Variants in PCDHGA3 observed in about 807,000 individuals in gnomAD.
PCDHGA3 encodes protocadherin gamma-A3.
Under a neutral mutation model 58.5 loss-of-function variants are expected in PCDHGA3, and 40 were observed. The ratio of observed to expected loss-of-function variants is 0.68; its 90% CI spans 0.53 to 0.89. The LOEUF is 0.89. Among genes scored for constraint, PCDHGA3 ranks in the 40% least tolerant of loss-of-function variants. The probability of loss-of-function intolerance (pLI) is 0.00; values close to 1 mark genes in which losing one functional copy is unlikely to be tolerated. For synonymous variants in PCDHGA3, 530 were observed against 525.7 expected (o/e 1.01, Z -0.11); for missense variants, 1,223 against 1,195.9 (o/e 1.02, Z -0.33).
chr5:141,469,731 C>T (rs1332201791), intron 1 of PCDHGA3, among the ~76,000 whole-genome samples: 1 of 152,214 alleles, frequency 6.6e-6, no homozygotes, highest in Non-Finnish European at 1.5e-5. Context: ...ATCATAAATA[C>T]ACACCTCAAA....
chr5:141,458,594 G>A (rs1226490392), intron 1 of PCDHGA3, among the ~76,000 whole-genome samples: 2 of 151,612 alleles, frequency 1.3e-5, no homozygotes, highest in South Asian at 2.1e-4. Flanking sequence ...TTTTGGAGAC[G>A]AGTCTCACTC....
chr5:141,364,744 A>T (rs1366184046), intron 1 of PCDHGA3: 1 of 1,613,990 alleles, frequency 6.2e-7, no homozygotes, highest in Non-Finnish European at 8.5e-7. Flanking sequence ...ATGAAGAGTT[A>T]AAAGTAAAAG....
intron 1 of PCDHGA3, chr5:141,399,646 AGT>A: frequency 6.2e-7 from 1 of 1,613,790 alleles, no homozygotes; most frequent in African/African-American, 1.3e-5. Context: ...GAGCGCGCAA[AGT>A]GGGGTGGTGT....
At chr5:141,387,386 A>G (rs1451460616) in intron 1 of PCDHGA3, among the ~76,000 whole-genome samples, 14 of 152,232 alleles carry the variant, frequency 9.2e-5, no homozygotes, top group Non-Finnish European at 1.5e-5. Flanking sequence ...TTATATAGAT[A>G]GTGCATGTTT....
In PCDHGA3 at chr5:141,486,531, C is replaced by T; in HGVS notation, c.2425-8276C>T. The T allele has an allele frequency of 6.2e-7, 1 of 1,614,062 alleles. No homozygotes were observed. Among genetic ancestry groups the T allele is most frequent in the Non-Finnish European group, 8.5e-7 (1 of 1,180,020 alleles). Reference sequence around the variant, plus strand: ...ATTTCAGATGTGAATGATAATCCACCCTCTTTCTTTCAGAGGTCACATGAG... The same window carrying T: ...ATTTCAGATGTGAATGATAATCCACTCTCTTTCTTTCAGAGGTCACATGAG... On this transcript the variant is annotated intron_variant, in intron 1 of 3. Transcript: ENST00000253812. This position sits in a 1 kb window ranked among gnomAD's most constrained non-coding sequence, Gnocchi z 5.0.
chr5:141,365,656 AGCAGAC>A (rs528991261), intron 1 of PCDHGA3: 1 of 1,613,518 alleles, frequency 6.2e-7, no homozygotes, highest in Non-Finnish European at 8.5e-7. Context: ...CCTTGAAAGT[AGCAGAC>A]GTTAATGACA....
intron 2 of PCDHGA3, among the ~76,000 whole-genome samples, chr5:141,503,072 C>T (rs2099817948): frequency 6.6e-6 from 1 of 151,728 alleles, no homozygotes; most frequent in Non-Finnish European, 1.5e-5. Flanking sequence ...TCAGAATGGT[C>T]TCGATCTCCT....
At chr5:141,383,712 G>A (rs895145051) in intron 1 of PCDHGA3, 2 of 1,613,970 alleles carry the variant, frequency 1.2e-6, no homozygotes, top group African/African-American at 2.7e-5. Flanking sequence ...ACCTGGACGA[G>A]GGAGTCAATG....
At position 141,489,590 on chromosome 5, in the gene PCDHGA3, T is replaced by C; in HGVS notation, c.2425-5217T>C. The C allele has an allele frequency of 6.2e-7, 1 of 1,614,044 alleles. No homozygotes were observed. Among genetic ancestry groups the C allele is most frequent in the Non-Finnish European group, 8.5e-7 (1 of 1,179,984 alleles). ...GTGACTGAACACCCCCTGGAGCTAA[T>C]CCGTGTAGAGGTAGAGATCCTGGAT... On this transcript the variant is annotated intron_variant, in intron 1 of 3. Transcript: ENST00000253812. The surrounding 1 kb of genome is among the most constrained non-coding windows in gnomAD (Gnocchi z 4.5).
Position 141,355,516 on chromosome 5 carries a change from C to T in PCDHGA3, c.2424+9059C>T, listed in dbSNP as rs201107501. On this transcript the variant is annotated intron_variant, in intron 1 of 3. Coordinates refer to ENST00000253812, the MANE Select transcript of PCDHGA3 (RefSeq NM_018916.4). ...CAGATCTCCAAACTGTGTGACAAAC[C>T]TGGAGATTCTTCTAGAAGATACAGT... 1.3e-3 allele frequency: 2,116 copies of T among 1,614,044 alleles called. 6 individuals are homozygous for T. The highest frequency in any genetic ancestry group is 2.2e-3 in the South Asian group (197 of 91,082).
Position 141,431,154 on chromosome 5 carries a change from A to G in PCDHGA3, c.2425-63653A>G, listed in dbSNP as rs754200786. ...AGGGACATTAACGACAATGCGCCTT[A>G]CTTTCGTGAAAGTGAATTAGAAATA... On this transcript the variant is annotated intron_variant, in intron 1 of 3. Coordinates refer to ENST00000253812, the MANE Select transcript of PCDHGA3 (RefSeq NM_018916.4). The surrounding 1 kb of genome is among the most constrained non-coding windows in gnomAD (Gnocchi z 4.8). 1.1e-5 allele frequency: 18 copies of G among 1,614,136 alleles called. No homozygotes were observed. In the East Asian group the frequency reaches 4.0e-4, roughly 36 times the overall value.
intron 1 of PCDHGA3, chr5:141,398,504 T>C: frequency 6.2e-7 from 1 of 1,611,098 alleles, no homozygotes; most frequent in Admixed American, 1.7e-5. Flanking sequence ...ATCGAGGACA[T>C]TAATGACCAC....
In PCDHGA3 at chr5:141,413,998, G is replaced by A; in HGVS notation, c.2424+67541G>A. On this transcript the variant is annotated intron_variant, in intron 1 of 3. Transcript: ENST00000253812. The stretch of plus-strand genomic sequence containing the variant: ...GACAGTCACAGCCACCGACAGGGAC[G>A]AAGGTGCCAATGGAGAAGTGACATA... 1 of 1,613,320 alleles carries A rather than the reference G, an allele frequency of 6.2e-7. No individual in the cohort carries two copies. The highest frequency in any genetic ancestry group is 1.6e-4 in the Middle Eastern group (1 of 6,062).
rs1491285973 is a variant in PCDHGA3, at chr5:141,415,739, GGT to G, written c.2424+69283_2424+69284del. 5.5e-5 allele frequency: 24 copies of G among 435,136 alleles called. No individual in the cohort carries two copies. The African/African-American group carries it at 7.2e-4, about 13-fold the overall frequency. 27.0% of individuals were successfully genotyped at this position (435,136 alleles called of 1,614,324 possible). A position where few individuals can be genotyped will look rare whatever the true frequency, so the allele number is the denominator to read the frequency against. On this transcript the variant is annotated intron_variant, in intron 1 of 3. Transcript: ENST00000253812. Reference sequence around the variant, plus strand: ...ATGAGTAGAATTTGATGTTTATTAAGGTTTTTTTTTTTTTTTTTTTTTTTTTT... The same window carrying G: ...ATGAGTAGAATTTGATGTTTATTAAGTTTTTTTTTTTTTTTTTTTTTTTTT...
Position 141,415,114 on chromosome 5 carries a change from G to A in PCDHGA3, c.2424+68657G>A, listed in dbSNP as rs186848544. On this transcript the variant is annotated intron_variant, in intron 1 of 3. Transcript: ENST00000253812. Reference sequence around the variant, plus strand: ...CAGAGACGCGCTCAAGCAAAGCCTCGTAGTGGCCGTCCAGGACCACGGCCA... The same window carrying A: ...CAGAGACGCGCTCAAGCAAAGCCTCATAGTGGCCGTCCAGGACCACGGCCA... 1.7e-5 allele frequency: 28 copies of A among 1,613,646 alleles called. No homozygotes were observed. In the African/African-American group the frequency reaches 2.7e-4, roughly 15 times the overall value.
intron 1 of PCDHGA3, chr5:141,372,195 A>T: frequency 4.3e-6 from 7 of 1,613,560 alleles, no homozygotes; most frequent in Non-Finnish European, 5.9e-6. Flanking sequence ...CTCGGGATAC[A>T]ACGCCTGGCT....
At chr5:141,375,644 G>T (rs762047740) in intron 1 of PCDHGA3, 5 of 1,614,180 alleles carry the variant, frequency 3.1e-6, no homozygotes, top group Non-Finnish European at 4.2e-6. Context: ...GCGCTCCTTC[G>T]ACTATGAGCA....
intron 1 of PCDHGA3, among the ~76,000 whole-genome samples, chr5:141,354,186 A>G (rs1759489766): frequency 1.3e-5 from 2 of 152,232 alleles, no homozygotes; most frequent in African/African-American, 4.8e-5. Flanking sequence ...TCTGCACTTT[A>G]TAGTTATTCA....
chr5:141,370,689 A>G (rs1275146563), intron 1 of PCDHGA3: 1 of 1,613,814 alleles, frequency 6.2e-7, no homozygotes, highest in East Asian at 2.2e-5. Context: ...TTGTGGCAAG[A>G]AGTCGACGTG....
Sources: allele counts gnomAD v4.1 joint callset (sites outside exome capture counted in the v4.1 genomes callset), GRCh38; gene constraint gnomAD v4.1.1; non-coding constraint Gnocchi (gnomAD v3.1); transcripts MANE v1.5; gene names NCBI Gene and HGNC (gene_info 2026-07-23, HGNC 2026-07-21).